TTC13: variants seen among roughly 807,000 people sequenced by gnomAD.
The protein encoded by TTC13 is tetratricopeptide repeat protein 13.
A neutral mutation model predicts 120.0 loss-of-function variants in TTC13; 62 were observed. The observed-to-expected ratio is 0.52, with a 90% CI of 0.42 to 0.64. The LOEUF is 0.64. Ranked by LOEUF, TTC13 falls within the 30% of genes least tolerant of loss-of-function variation. The pLI is 0.00. For missense variants in TTC13, 824 were observed against 1,050.2 expected (o/e 0.78, Z 2.98); for synonymous variants, 384 against 393.5 (o/e 0.98, Z 0.28).
At chr1:230,964,517 A>C (rs767289039) in intron 1 of TTC13, among the ~76,000 whole-genome samples, 1 of 152,154 alleles carries the variant, frequency 6.6e-6, no homozygotes, top group Non-Finnish European at 1.5e-5. Context: ...CACTTTTGTA[A>C]ATCACTTATA....
Position 230,916,179 on chromosome 1 carries a change from A to G in TTC13, c.2093+14T>C, listed in dbSNP as rs780620304. On this transcript the variant is annotated intron_variant, in intron 18 of 22. Coordinates refer to ENST00000366661, the MANE Select transcript of TTC13 (RefSeq NM_024525.5). Reference sequence around the variant, plus strand: ...TCGTCTCTAGTTTACACCCACATTAAGAAGCGCACATACTTGTCTCCTGTA... The same window carrying G: ...TCGTCTCTAGTTTACACCCACATTAGGAAGCGCACATACTTGTCTCCTGTA... The G allele has an allele frequency of 6.3e-7, 1 of 1,582,756 alleles. No homozygotes were observed. The highest frequency in any genetic ancestry group is 8.7e-7 in the Non-Finnish European group (1 of 1,151,510).
chr1:230,920,746 G>A (rs1672505719), intron 16 of TTC13, 152 bp from the exon 17 acceptor site: 2 of 481,180 alleles, frequency 4.2e-6, no homozygotes, highest in Non-Finnish European at 7.2e-6. Context: ...TCCAAATAAC[G>A]GGATAGTTCA....
At chr1:230,911,907 AC>A (rs1036503064) in intron 19 of TTC13, among the ~76,000 whole-genome samples, 5 of 152,166 alleles carry the variant, frequency 3.3e-5, no homozygotes, top group Non-Finnish European at 7.3e-5. Context: ...CATGTACCTT[AC>A]CCCAAAAGAT....
intron 20 of TTC13, 103 bp downstream of exon 20, chr1:230,911,367 C>T (rs1310553895): frequency 1.5e-5 from 11 of 733,210 alleles, no homozygotes; most frequent in South Asian, 6.1e-5. Flanking sequence ...AGCTCCTTAC[C>T]ATTTCTTTGT....
intron 12 of TTC13, among the ~76,000 whole-genome samples, chr1:230,928,598 G>A (rs1467195943): frequency 6.6e-6 from 1 of 152,048 alleles, no homozygotes; most frequent in Admixed American, 6.5e-5. Context: ...CACTGTCTAG[G>A]ACTTGTAGTT....
chr1:230,932,357 T>A (rs1283103684), intron 9 of TTC13, among the ~76,000 whole-genome samples: 1 of 151,990 alleles, frequency 6.6e-6, no homozygotes, highest in Non-Finnish European at 1.5e-5. Context: ...CATTATATAA[T>A]TTAGAATTCT....
intron 17 of TTC13, among the ~76,000 whole-genome samples, chr1:230,917,855 A>G (rs1672186698): frequency 1.3e-5 from 2 of 152,356 alleles, no homozygotes; most frequent in South Asian, 4.1e-4. Context: ...ATGCCTAACT[A>G]GAATACCCAC....
intron 16 of TTC13, 98 bp from the exon 17 acceptor site, chr1:230,920,692 T>TTA: frequency 7.3e-6 from 5 of 686,010 alleles, no homozygotes; most frequent in Non-Finnish European, 1.1e-5. Flanking sequence ...TGACCTCAAT[T>TTA]TTGAGTAGCT....
At chr1:230,924,200 C>T (rs1672839230) in intron 14 of TTC13, among the ~76,000 whole-genome samples, 1 of 152,192 alleles carries the variant, frequency 6.6e-6, no homozygotes, top group Admixed American at 6.5e-5. Context: ...GCCAGGCACA[C>T]CATTATCTGT....
intron 15 of TTC13, among the ~76,000 whole-genome samples, chr1:230,922,714 GA>G (rs1181842783): frequency 2.0e-5 from 3 of 152,156 alleles, no homozygotes; most frequent in Non-Finnish European, 2.9e-5. Context: ...TGTAGCACCA[GA>G]AGGCTTTATC....
intron 11 of TTC13, among the ~76,000 whole-genome samples, chr1:230,929,931 C>T (rs1228103140): frequency 2.0e-5 from 3 of 152,140 alleles, no homozygotes; most frequent in Non-Finnish European, 2.9e-5. Flanking sequence ...TAATAGGTAG[C>T]CCCTAGCCAC....
intron 1 of TTC13, among the ~76,000 whole-genome samples, chr1:230,966,342 AT>A (rs1453811358): frequency 7.2e-5 from 11 of 152,278 alleles, no homozygotes; most frequent in African/African-American, 2.6e-4. Context: ...AAACAAAAAA[AT>A]CTCTCTATGA....
intron 22 of TTC13, 68 bp downstream of exon 22, chr1:230,908,644 A>G: frequency 7.6e-7 from 1 of 1,318,414 alleles, no homozygotes; most frequent in Non-Finnish European, 1.1e-6. Flanking sequence ...AGCGCTCCAA[A>G]GTAACAGGAA....
At chr1:230,924,774 TA>T in intron 14 of TTC13, 66 bp downstream of exon 14, 1 of 1,590,096 alleles carries the variant, frequency 6.3e-7, no homozygotes, top group African/African-American at 1.3e-5. Flanking sequence ...GCCTGTTAGC[TA>T]AAACAGACTG....
chr1:230,952,842 CAAT>C (rs1675716031), intron 4 of TTC13, among the ~76,000 whole-genome samples: 1 of 151,900 alleles, frequency 6.6e-6, no homozygotes, highest in Non-Finnish European at 1.5e-5. Context: ...AAAATTTAAA[CAAT>C]GTTAAAGTGG....
chr1:230,924,781 G>T, intron 14 of TTC13, 60 bp downstream of exon 14: 1 of 1,599,392 alleles, frequency 6.3e-7, no homozygotes, highest in South Asian at 1.1e-5. Context: ...AGCTAAAACA[G>T]ACTGACGTTA....
At chr1:230,924,364 G>A (rs1486782358) in intron 14 of TTC13, among the ~76,000 whole-genome samples, 1 of 152,116 alleles carries the variant, frequency 6.6e-6, no homozygotes, top group Non-Finnish European at 1.5e-5. Context: ...ATGGAGTCTC[G>A]CTGTGTCGCC....
chr1:230,974,823 C>G (rs747289884), intron 1 of TTC13, among the ~76,000 whole-genome samples: 4 of 152,160 alleles, frequency 2.6e-5, no homozygotes, highest in Non-Finnish European at 5.9e-5. Context: ...CATTCTAGTC[C>G]TGCAGTTCAA....
chr1:230,917,891 A>C (rs1007351306), intron 17 of TTC13, among the ~76,000 whole-genome samples: 1 of 152,202 alleles, frequency 6.6e-6, no homozygotes, highest in Admixed American at 6.5e-5. Context: ...GAGCCCTCAC[A>C]CACCAGTTTC....
Sources: allele counts gnomAD v4.1 joint callset (sites outside exome capture counted in the v4.1 genomes callset), GRCh38; gene constraint gnomAD v4.1.1; transcripts MANE v1.5; gene names NCBI Gene and HGNC (gene_info 2026-07-23, HGNC 2026-07-21).